ERC1: variants seen among roughly 807,000 people sequenced by gnomAD.
The protein encoded by ERC1 is ELKS/RAB6-interacting/CAST family member 1.
A neutral mutation model predicts 132.0 loss-of-function variants in ERC1; 56 were observed. The observed-to-expected ratio is 0.42, with a 90% CI of 0.34 to 0.53. The LOEUF is 0.53. ERC1 is among the 20% of genes least tolerant of loss of function. The probability of loss-of-function intolerance (pLI) is 0.03; values close to 1 mark genes in which losing one functional copy is unlikely to be tolerated. For missense variants in ERC1, 1,202 were observed against 1,349.9 expected (o/e 0.89, Z 1.72); for synonymous variants, 478 against 476.1 (o/e 1.00, Z -0.05).
At chr12:1,365,718 T>C (rs1361263850) in intron 15 of ERC1, among the ~76,000 whole-genome samples, 3 of 152,214 alleles carry the variant, frequency 2.0e-5, no homozygotes, top group African/African-American at 7.2e-5. Context: ...GAACAATACT[T>C]GAAAGCTTTT....
intron 14 of ERC1, among the ~76,000 whole-genome samples, chr12:1,273,365 ACGGTTTC>A (rs2078016633): frequency 1.3e-5 from 2 of 152,230 alleles, no homozygotes; most frequent in African/African-American, 4.8e-5. Context: ...GTGGTCAGAT[ACGGTTTC>A]TAAATACTAT....
intron 1 of ERC1, among the ~76,000 whole-genome samples, chr12:1,016,154 T>G (rs958866383): frequency 2.6e-5 from 4 of 152,244 alleles, no homozygotes; most frequent in African/African-American, 9.6e-5. Context: ...GGGTGGTATA[T>G]TACATCAGGT....
rs1566775133 is a variant in ERC1, at chr12:1,400,922, T to TATTA, written c.2926-7227_2926-7226insATTA. 7.3e-4 allele frequency among the ~76,000 whole-genome samples: 41 copies of TATTA among 55,910 alleles called. 1 individual carries two copies. Among genetic ancestry groups the TATTA allele is most frequent in the African/African-American group, 5.4e-3 (40 of 7,402 alleles). The allele number at this position is 55,910 out of a possible 152,430, so 36.7% of individuals were successfully genotyped here. ...TTGTTTTGGCTATTTTTGTATTTTT[T>TATTA]TTTTTTTTTTTTTTTTTTTTTTTTT... On this transcript the variant is annotated intron_variant, in intron 16 of 18. Coordinates refer to ENST00000360905, the MANE Select transcript of ERC1 (RefSeq NM_178040.4).
Position 1,470,875 on chromosome 12 carries a change from G to T in ERC1, c.3214-19218G>T, listed in dbSNP as rs148104513. 3.6e-3 allele frequency among the ~76,000 whole-genome samples: 553 copies of T among 152,290 alleles called. 3 individuals are homozygous for T. The highest frequency in any genetic ancestry group is 0.013 in the African/African-American group (524 of 41,554). ...CTTCGTCCAAGCATTCCACACAGAA[G>T]GGTAACTGGCTTGTTCTTTGAGTGG... On this transcript the variant is annotated intron_variant, in intron 18 of 18. Coordinates refer to ENST00000360905, the MANE Select transcript of ERC1 (RefSeq NM_178040.4).
At chr12:1,153,114 T>TA (rs1219363013) in intron 8 of ERC1, 1 of 152,256 alleles carries the variant, frequency 6.6e-6, no homozygotes, top group Admixed American at 6.5e-5. Context: ...CAGTTGTCTG[T>TA]AAAAGGTCAT....
At chr12:1,176,562 CTT>C (rs1445164795) in intron 8 of ERC1, among the ~76,000 whole-genome samples, 1 of 151,678 alleles carries the variant, frequency 6.6e-6, no homozygotes, top group Admixed American at 6.6e-5. Flanking sequence ...GCTTTGTTTT[CTT>C]TGTTTTTTTT....
chr12:1,361,722 T>C (rs567877732), intron 15 of ERC1, among the ~76,000 whole-genome samples: 175 of 152,334 alleles, frequency 1.1e-3, no homozygotes, highest in Middle Eastern at 3.4e-3. Context: ...TGGGCCACAT[T>C]TATAAGACCG....
intron 15 of ERC1, among the ~76,000 whole-genome samples, chr12:1,338,134 G>A (rs1252584544): frequency 6.6e-6 from 1 of 152,138 alleles, no homozygotes; most frequent in Non-Finnish European, 1.5e-5. Flanking sequence ...TACGTTTTCA[G>A]TTGCTTACGC....
intron 17 of ERC1, among the ~76,000 whole-genome samples, chr12:1,436,343 T>C (rs1188167657): frequency 1.3e-5 from 2 of 152,234 alleles, no homozygotes; most frequent in Non-Finnish European, 2.9e-5. Context: ...TCCTATGGAC[T>C]GAGAAGGAGC....
intron 16 of ERC1, among the ~76,000 whole-genome samples, chr12:1,376,269 A>G (rs1174309489): frequency 1.3e-5 from 2 of 152,186 alleles, no homozygotes; most frequent in Non-Finnish European, 2.9e-5. Flanking sequence ...AAATTCTAAT[A>G]TGTCTTTCTT....
intron 8 of ERC1, among the ~76,000 whole-genome samples, chr12:1,179,500 C>CTTTTTTTT (rs58317880): frequency 1.7e-3 from 167 of 95,742 alleles, no homozygotes; most frequent in East Asian, 2.5e-3. Context: ...ATTCATTTTT[C>CTTTTTTTT]TTTTTTTTTT....
chr12:1,337,535 T>G (rs2083420835), intron 15 of ERC1, among the ~76,000 whole-genome samples: 1 of 152,196 alleles, frequency 6.6e-6, no homozygotes, highest in Non-Finnish European at 1.5e-5. Context: ...TTTAGCCCAT[T>G]TACATTCAAG....
At chr12:1,243,607 G>A (rs77762523) in intron 13 of ERC1, among the ~76,000 whole-genome samples, 8,009 of 152,188 alleles carry the variant, frequency 0.053, 366 homozygotes, top group African/African-American at 0.11. Context: ...AATTTGCCTC[G>A]TGTTACTTCA....
At chr12:1,008,774 C>G (rs561917419) in intron 1 of ERC1, among the ~76,000 whole-genome samples, 1 of 152,176 alleles carries the variant, frequency 6.6e-6, no homozygotes. Context: ...TTATTCCAAA[C>G]ATGCTTAAAA....
chr12:1,444,539 T>C (rs779471637), intron 17 of ERC1, 23 bp from the exon 18 acceptor site: 1 of 1,519,252 alleles, frequency 6.6e-7, no homozygotes, highest in South Asian at 1.2e-5. Context: ...TTTATTTTAT[T>C]TTATTTTATT....
chr12:1,444,930 T>C, intron 18 of ERC1, 180 bp downstream of exon 18: 1 of 384,026 alleles, frequency 2.6e-6, no homozygotes, highest in Non-Finnish European at 4.6e-6. Flanking sequence ...GGGAATTCCA[T>C]GTTTAGATTC....
At chr12:1,122,486 T>C (rs1348417603) in intron 7 of ERC1, among the ~76,000 whole-genome samples, 1 of 85,498 alleles carries the variant, frequency 1.2e-5, no homozygotes, top group African/African-American at 6.5e-5. Flanking sequence ...TCTCTATCTC[T>C]ATCTCTATCT....
chr12:1,154,356 C>CACACACACCCATGTGTGTTTAT (rs1951163876), intron 8 of ERC1, among the ~76,000 whole-genome samples: 2 of 30,840 alleles, frequency 6.5e-5, no homozygotes, highest in Non-Finnish European at 1.9e-4. Context: ...TGTGTTTATA[C>CACACACACCCATGTGTGTTTAT]ACACACACAC....
chr12:1,037,441 A>AT (rs1969300769), intron 2 of ERC1, among the ~76,000 whole-genome samples: 1 of 152,140 alleles, frequency 6.6e-6, no homozygotes, highest in African/African-American at 2.4e-5. Context: ...TCATAGTTTC[A>AT]TTTTTTAACA....
Sources: allele counts gnomAD v4.1 joint callset (sites outside exome capture counted in the v4.1 genomes callset), GRCh38; gene constraint gnomAD v4.1.1; transcripts MANE v1.5; gene names NCBI Gene and HGNC (gene_info 2026-07-23, HGNC 2026-07-21).